Variants in SLC44A1 observed in about 807,000 individuals in gnomAD.
SLC44A1 encodes the protein solute carrier family 44 member 1.
In SLC44A1, 26 loss-of-function variants were observed where a neutral mutation model predicts 79.3. The observed-to-expected ratio is 0.33, with a 90% CI of 0.24 to 0.46. SLC44A1 has a LOEUF of 0.46. Among genes scored for constraint, SLC44A1 ranks in the 20% least tolerant of loss-of-function variants. The pLI, the probability that SLC44A1 is intolerant of heterozygous loss-of-function variation, is 1.00. For synonymous variants in SLC44A1, 263 were observed against 286.2 expected (o/e 0.92, Z 0.82); for missense variants, 688 against 798.1 (o/e 0.86, Z 1.66).
Position 105,309,806 on chromosome 9 carries a change from G to C in SLC44A1, c.209G>C (p.Gly70Ala). 6.2e-7 allele frequency: 1 copy of C among 1,613,892 alleles called. No individual in the cohort carries two copies. The highest frequency in any genetic ancestry group is 2.2e-5 in the East Asian group (1 of 44,848). Residue 70 changes from glycine to alanine, a missense_variant, in exon 3 of 16, where the codon GGG (glycine) becomes GCG (alanine). Coordinates refer to ENST00000374720, the MANE Select transcript of SLC44A1 (RefSeq NM_080546.5). ...SGYDSYGNIC[G>A]QKNTKLEAIP... ...TACGACAGCTATGGAAATATCTGTG[G>C]GCAGAAAAATACAAAGTTGGAAGCA...
At chr9:105,304,553 G>T (rs1830966506) in intron 2 of SLC44A1, among the ~76,000 whole-genome samples, 1 of 152,074 alleles carries the variant, frequency 6.6e-6, no homozygotes, top group Non-Finnish European at 1.5e-5. Flanking sequence ...AACCAAACAG[G>T]TGTGAACTTC....
rs752152486 is a variant in SLC44A1, at chr9:105,358,328, T to C, written c.671-16T>C. 7.4e-6 allele frequency: 10 copies of C among 1,349,082 alleles called. No homozygotes were observed. Among genetic ancestry groups the C allele is most frequent in the Non-Finnish European group, 9.5e-6 (9 of 945,142 alleles). 83.6% of individuals were successfully genotyped at this position (1,349,082 alleles called of 1,614,324 possible). A position where few individuals can be genotyped will look rare whatever the true frequency, so the allele number is the denominator to read the frequency against. ...TTTTCAAATAATATTCTATATGTTCTCTATCTTCCCTGCAGTTCTATCCAT... is the reference window on the plus strand; with the variant it reads ...TTTTCAAATAATATTCTATATGTTCCCTATCTTCCCTGCAGTTCTATCCAT... On this transcript the variant is annotated splice_polypyrimidine_tract_variant and intron_variant, in intron 6 of 15. Coordinates refer to ENST00000374720, the MANE Select transcript of SLC44A1 (RefSeq NM_080546.5).
chr9:105,260,202 C>G (rs544923251), intron 1 of SLC44A1, among the ~76,000 whole-genome samples: 1 of 152,212 alleles, frequency 6.6e-6, no homozygotes, highest in African/African-American at 2.4e-5. Flanking sequence ...ATACCACCCC[C>G]TCACTGGCCT....
intron 15 of SLC44A1, among the ~76,000 whole-genome samples, chr9:105,436,638 G>A (rs1420038393): frequency 2.0e-5 from 3 of 152,138 alleles, no homozygotes; most frequent in Non-Finnish European, 2.9e-5. Flanking sequence ...GTGAGGTGTT[G>A]TGGAAAATAG....
intron 1 of SLC44A1, among the ~76,000 whole-genome samples, chr9:105,256,639 T>C (rs1055214544): frequency 1.6e-4 from 25 of 151,534 alleles, no homozygotes; most frequent in African/African-American, 6.1e-4. Flanking sequence ...CTCAGCTCAC[T>C]GCAGCATCAA....
chr9:105,259,929 T>C (rs568930986), intron 1 of SLC44A1, among the ~76,000 whole-genome samples: 51 of 152,326 alleles, frequency 3.3e-4, no homozygotes, highest in African/African-American at 1.1e-3. Context: ...GAAACACTTA[T>C]TTATCTTGAG....
At chr9:105,358,519 AT>A in intron 7 of SLC44A1, 86 bp downstream of exon 7, 1 of 790,592 alleles carries the variant, frequency 1.3e-6, no homozygotes, top group South Asian at 1.5e-5. Flanking sequence ...AATAAATTAT[AT>A]TTTCACAAGC....
At chr9:105,326,848 G>A (rs368979082) in intron 3 of SLC44A1, among the ~76,000 whole-genome samples, 5 of 152,290 alleles carry the variant, frequency 3.3e-5, no homozygotes, top group African/African-American at 1.2e-4. Context: ...TTCTCTGCTA[G>A]AATCCTACAG....
At position 105,389,179 on chromosome 9, in the gene SLC44A1, A is replaced by G; in HGVS notation, c.*123A>G. 1 of 1,425,664 alleles carries G rather than the reference A, an allele frequency of 7.0e-7. No homozygotes were observed. Among genetic ancestry groups the G allele is most frequent in the Non-Finnish European group, 9.3e-7 (1 of 1,073,936 alleles). The allele number at this position is 1,425,664 out of a possible 1,614,324, so 88.3% of individuals were successfully genotyped here. A position where few individuals can be genotyped will look rare whatever the true frequency, so the allele number is the denominator to read the frequency against. On this transcript the variant is annotated 3_prime_UTR_variant, in exon 16 of 16. Coordinates refer to ENST00000374720, the MANE Select transcript of SLC44A1 (RefSeq NM_080546.5). The stretch of plus-strand genomic sequence containing the variant: ...TATGTGTGTATATATGTATATGTAT[A>G]TACACACACACACATAAATCAGCCA...
intron 3 of SLC44A1, among the ~76,000 whole-genome samples, chr9:105,330,761 A>G (rs1826725426): frequency 6.6e-6 from 1 of 152,240 alleles, no homozygotes; most frequent in South Asian, 2.1e-4. Context: ...CCATTTAAAA[A>G]TAAACCTTTT....
chr9:105,385,271 T>C (rs1303456539), intron 14 of SLC44A1, 151 bp from the exon 15 acceptor site: 1 of 591,888 alleles, frequency 1.7e-6, no homozygotes. Context: ...TTAGCAACTC[T>C]CATGTGTGAT....
Position 105,392,939 on chromosome 9 carries a change from CT to C in SLC44A1, c.*3887del. On this transcript the variant is annotated 3_prime_UTR_variant, in exon 16 of 16. Coordinates refer to ENST00000374720, the MANE Select transcript of SLC44A1 (RefSeq NM_080546.5). ...TTTTCAATAAGTAAGTTCTTTACTG[CT>C]TTTCTACTGCTACTTTAAAAAAAAA... 1 of 984,924 alleles carries C rather than the reference CT, an allele frequency of 1.0e-6. No homozygotes were observed. The highest frequency in any genetic ancestry group is 1.2e-6 in the Non-Finnish European group (1 of 829,688). 61.0% of individuals were successfully genotyped at this position (984,924 alleles called of 1,614,324 possible).
At chr9:105,328,417 G>T (rs1320416021) in intron 3 of SLC44A1, among the ~76,000 whole-genome samples, 1 of 151,942 alleles carries the variant, frequency 6.6e-6, no homozygotes, top group Non-Finnish European at 1.5e-5. Flanking sequence ...GAGGGAAGGA[G>T]CTAGCTCTGT....
chr9:105,317,718 G>GCTCCTGACTCTATCTTGTA (rs1422847129), intron 3 of SLC44A1, among the ~76,000 whole-genome samples: 1 of 152,164 alleles, frequency 6.6e-6, no homozygotes, highest in Non-Finnish European at 1.5e-5. Flanking sequence ...ACAGGAAGGT[G>GCTCCTGACTCTATCTTGTA]CTCCTGACTC....
At chr9:105,286,302 A>G (rs972990999) in intron 1 of SLC44A1, among the ~76,000 whole-genome samples, 1 of 152,172 alleles carries the variant, frequency 6.6e-6, no homozygotes, top group Non-Finnish European at 1.5e-5. Flanking sequence ...TCTGGTTCAC[A>G]TTCCTGCTGT....
chr9:105,322,344 T>G (rs1826419318), intron 3 of SLC44A1, among the ~76,000 whole-genome samples: 1 of 152,078 alleles, frequency 6.6e-6, no homozygotes, highest in Admixed American at 6.6e-5. Context: ...GGCATATGGG[T>G]AGATGGGGCC....
chr9:105,354,504 G>A (rs1192936954), intron 5 of SLC44A1, among the ~76,000 whole-genome samples: 1 of 152,142 alleles, frequency 6.6e-6, no homozygotes, highest in Non-Finnish European at 1.5e-5. Flanking sequence ...TTCTTAGAAT[G>A]CTGTGGCTTC....
At chr9:105,259,896 A>G (rs1450477749) in intron 1 of SLC44A1, among the ~76,000 whole-genome samples, 2 of 152,222 alleles carry the variant, frequency 1.3e-5, no homozygotes, top group Admixed American at 6.5e-5. Flanking sequence ...ATGTGATCTG[A>G]GAAAGTAAAC....
chr9:105,250,852 C>T (rs569695745), intron 1 of SLC44A1, among the ~76,000 whole-genome samples: 3 of 152,244 alleles, frequency 2.0e-5, no homozygotes, highest in East Asian at 1.9e-4. Context: ...TCCAAGACTG[C>T]GGGCTGGGCA....
Sources: allele counts gnomAD v4.1 joint callset (sites outside exome capture counted in the v4.1 genomes callset), GRCh38; gene constraint gnomAD v4.1.1; transcripts MANE v1.5; gene names NCBI Gene and HGNC (gene_info 2026-07-23, HGNC 2026-07-21).